Variants in CNTNAP2 observed in about 807,000 individuals in gnomAD.
CNTNAP2 encodes the protein contactin associated protein 2, also known as contactin-associated protein-like 2.
CNTNAP2 carries 98 observed loss-of-function variants against 155.2 expected under a neutral mutation model. The observed-to-expected ratio is 0.63, with a 90% CI of 0.54 to 0.75. The LOEUF (loss-of-function observed/expected upper bound fraction) is 0.75. Ranked by LOEUF, CNTNAP2 falls within the 30% of genes least tolerant of loss-of-function variation. The probability of loss-of-function intolerance (pLI) is 0.00; values close to 1 mark genes in which losing one functional copy is unlikely to be tolerated. For synonymous variants in CNTNAP2, 651 were observed against 631.2 expected, an observed-to-expected ratio of 1.03 and a Z score of -0.47; for missense variants, 1,727 against 1,688.1, an observed-to-expected ratio of 1.02 and a Z score of -0.40.
chr7:147,630,931 C>G (rs1795076677), intron 12 of CNTNAP2, among the ~76,000 whole-genome samples: 1 of 152,084 alleles, frequency 6.6e-6, no homozygotes, highest in East Asian at 1.9e-4. Context: ...GATGCCCACC[C>G]CCACCACCTC....
chr7:146,497,643 C>A (rs1797238357), intron 1 of CNTNAP2, among the ~76,000 whole-genome samples: 1 of 151,720 alleles, frequency 6.6e-6, no homozygotes, highest in African/African-American at 2.4e-5. Context: ...TTCTATCCGT[C>A]AGAATTAAAA....
intron 22 of CNTNAP2, among the ~76,000 whole-genome samples, chr7:148,402,845 G>A (rs1799618760): frequency 6.6e-6 from 1 of 151,720 alleles, no homozygotes; most frequent in Admixed American, 6.6e-5. Context: ...TAATTTTTTT[G>A]TCTCTGATAT....
chr7:146,308,792 A>G (rs1261153587), intron 1 of CNTNAP2, among the ~76,000 whole-genome samples: 1 of 152,006 alleles, frequency 6.6e-6, no homozygotes, highest in African/African-American at 2.4e-5. Flanking sequence ...ACACTTGGAC[A>G]CACGGCGGGG....
At chr7:148,366,410 A>G (rs1444621746) in intron 21 of CNTNAP2, among the ~76,000 whole-genome samples, 1 of 152,050 alleles carries the variant, frequency 6.6e-6, no homozygotes, top group Non-Finnish European at 1.5e-5. Context: ...TTCACTATTG[A>G]ATCCTCACCA....
chr7:147,882,541 G>T (rs1799538486), intron 13 of CNTNAP2, among the ~76,000 whole-genome samples: 1 of 152,176 alleles, frequency 6.6e-6, no homozygotes, highest in East Asian at 1.9e-4. Flanking sequence ...TTGCAGATCT[G>T]TAGGATTTAT....
At chr7:148,242,432 A>G (rs1368745876) in intron 20 of CNTNAP2, among the ~76,000 whole-genome samples, 1 of 152,224 alleles carries the variant, frequency 6.6e-6, no homozygotes, top group East Asian at 1.9e-4. Context: ...TCCTGGAGCG[A>G]GTTCGGAGCT....
intron 1 of CNTNAP2, among the ~76,000 whole-genome samples, chr7:146,495,348 G>C (rs1029490670): frequency 6.6e-6 from 1 of 152,138 alleles, no homozygotes; most frequent in Non-Finnish European, 1.5e-5. Context: ...CCACAGAATA[G>C]AGACAATAAA....
At chr7:146,924,991 T>C (rs1327812396) in intron 3 of CNTNAP2, among the ~76,000 whole-genome samples, 1 of 152,148 alleles carries the variant, frequency 6.6e-6, no homozygotes, top group South Asian at 2.1e-4. Flanking sequence ...CATATTCTTA[T>C]TTTCCTGGAC....
chr7:146,961,736 A>G (rs2049395), intron 3 of CNTNAP2, among the ~76,000 whole-genome samples: 149,706 of 152,298 alleles, frequency 0.98, 73,593 homozygotes, highest in East Asian at 1. Context: ...CATGTGCCAG[A>G]AATAGGGAAA....
At chr7:146,464,187 G>GTTTTTTTTTTTTTT (rs369508603) in intron 1 of CNTNAP2, among the ~76,000 whole-genome samples, 4 of 91,544 alleles carry the variant, frequency 4.4e-5, no homozygotes, top group African/African-American at 1.5e-4. Flanking sequence ...CTTTGAAACT[G>GTTTTTTTTTTTTTT]TTTTTTTTTT....
rs1224617335 is a variant in CNTNAP2, at chr7:148,158,222, C to CTTTTTTTT, written c.2773+10525_2773+10532dup. On this transcript the variant is annotated intron_variant, in intron 17 of 23. Transcript: ENST00000361727. ...AGTGATGATAGGTACAATGTTTGCG[C>CTTTTTTTT]TTTTTTTTTTTTTTTTTTTGAGACA... Among the ~76,000 whole-genome samples the CTTTTTTTT allele has an allele frequency of 7.0e-4, 66 of 94,762 alleles. 13 individuals are homozygous for CTTTTTTTT. The highest frequency in any genetic ancestry group is 2.4e-3 in the African/African-American group (49 of 20,122). The allele number at this position is 94,762 out of a possible 152,430, so 62.2% of individuals were successfully genotyped here.
chr7:147,324,857 C>G (rs1478940241), intron 9 of CNTNAP2, among the ~76,000 whole-genome samples: 1 of 152,062 alleles, frequency 6.6e-6, no homozygotes, highest in African/African-American at 2.4e-5. Flanking sequence ...AACAAAGATA[C>G]ACCTCAGCAG....
intron 15 of CNTNAP2, among the ~76,000 whole-genome samples, chr7:147,987,838 G>A (rs1447073269): frequency 6.6e-6 from 1 of 152,076 alleles, no homozygotes; most frequent in African/African-American, 2.4e-5. Flanking sequence ...GGGACTACAG[G>A]TACATGCCAC....
chr7:147,900,232 AC>A (rs1799845383), intron 13 of CNTNAP2, among the ~76,000 whole-genome samples: 1 of 152,030 alleles, frequency 6.6e-6, no homozygotes, highest in African/African-American at 2.4e-5. Flanking sequence ...CTGTGTCCCC[AC>A]CCAAATCTCA....
At chr7:147,721,176 A>G (rs1370355597) in intron 13 of CNTNAP2, among the ~76,000 whole-genome samples, 2 of 151,796 alleles carry the variant, frequency 1.3e-5, no homozygotes, top group Non-Finnish European at 2.9e-5. Flanking sequence ...TACTAAAATC[A>G]GTGCTGGTTT....
chr7:146,906,347 C>G (rs1428488859), intron 3 of CNTNAP2, among the ~76,000 whole-genome samples: 1 of 152,176 alleles, frequency 6.6e-6, no homozygotes, highest in African/African-American at 2.4e-5. Context: ...CCTCTGGGGG[C>G]AGGGCACAGA....
chr7:146,946,269 C>T (rs1052494304), intron 3 of CNTNAP2, among the ~76,000 whole-genome samples: 4 of 152,156 alleles, frequency 2.6e-5, no homozygotes, highest in East Asian at 1.9e-4. Context: ...AAGGAAGCCT[C>T]GGAAAAGCTT....
In CNTNAP2 at chr7:147,348,645, G is replaced by A. The variant is rs552231648; in HGVS notation, c.1499-46964G>A. 3.9e-5 allele frequency among the ~76,000 whole-genome samples: 6 copies of A among 151,944 alleles called. No individual in the cohort carries two copies. In the East Asian group the frequency reaches 5.8e-4, roughly 15 times the overall value. The stretch of plus-strand genomic sequence containing the variant: ...TGATCCAGCAATCCTACTAATGGGC[G>A]TTTATCCAAAGGAAAAGAAATCATT... On this transcript the variant is annotated intron_variant, in intron 9 of 23. Coordinates refer to ENST00000361727, the MANE Select transcript of CNTNAP2 (RefSeq NM_014141.6).
At chr7:148,313,265 C>T (rs1481449740) in intron 21 of CNTNAP2, among the ~76,000 whole-genome samples, 3 of 149,128 alleles carry the variant, frequency 2.0e-5, no homozygotes, top group South Asian at 2.2e-4. Context: ...ACCAGAAGAT[C>T]GGCATCCGTG....
Sources: gnomAD v4.1 joint callset for allele counts (sites outside exome capture counted in the v4.1 genomes callset) on GRCh38, gnomAD v4.1.1 for gene constraint, MANE v1.5 for transcripts, NCBI Gene and HGNC (gene_info 2026-07-23, HGNC 2026-07-21) for gene names.